DST: variants seen among roughly 807,000 people sequenced by gnomAD.
The protein encoded by DST is dystonin, also known as bullous pemphigoid antigen.
A neutral mutation model predicts 875.2 loss-of-function variants in DST; 253 were observed. The observed-to-expected ratio is 0.29, with a 90% CI of 0.26 to 0.32. DST has a LOEUF of 0.32. Ranked by LOEUF, DST falls within the 10% of genes least tolerant of loss-of-function variation. The probability of loss-of-function intolerance (pLI) is 1.00; values close to 1 mark genes in which losing one functional copy is unlikely to be tolerated. For synonymous variants in DST, 3,124 were observed against 3,197.1 expected (o/e 0.98, Z 0.77); for missense variants, 8,287 against 9,111.6 (o/e 0.91, Z 3.68).
intron 88 of DST, among the ~76,000 whole-genome samples, chr6:56,483,267 G>A (rs1022515062): frequency 2.0e-5 from 3 of 152,142 alleles, no homozygotes; most frequent in Admixed American, 1.3e-4. Context: ...TCACTAGTGT[G>A]AATGTCAAGT....
At chr6:56,586,939 G>T (rs2098165437) in intron 49 of DST, among the ~76,000 whole-genome samples, 1 of 152,090 alleles carries the variant, frequency 6.6e-6, no homozygotes, top group African/African-American at 2.4e-5. Flanking sequence ...ACCAAAAGTA[G>T]ATAAAACCAC....
intron 4 of DST, among the ~76,000 whole-genome samples, chr6:56,820,083 C>A (rs543657898): frequency 6.6e-6 from 1 of 152,316 alleles, no homozygotes; most frequent in South Asian, 2.1e-4. Context: ...TGGTTAAGAG[C>A]ATAGGCTCTA....
At chr6:56,828,058 A>T (rs1166012821) in intron 4 of DST, among the ~76,000 whole-genome samples, 1 of 152,190 alleles carries the variant, frequency 6.6e-6, no homozygotes, top group African/African-American at 2.4e-5. Context: ...TGCATGTAGC[A>T]TCACATTCTC....
At chr6:56,630,665 CT>C (rs2098770897) in intron 30 of DST, among the ~76,000 whole-genome samples, 1 of 152,198 alleles carries the variant, frequency 6.6e-6, no homozygotes, top group Admixed American at 6.5e-5. Context: ...TTGGCTACAA[CT>C]GCTGAGCTAC....
In DST at chr6:56,494,191, A is replaced by G; in HGVS notation, c.20224-11T>C. 1.3e-6 allele frequency: 2 copies of G among 1,593,714 alleles called. No homozygotes were observed. Among genetic ancestry groups the G allele is most frequent in the African/African-American group, 2.7e-5 (2 of 74,268 alleles). ...GGCAGCACAGACTTCCTAAATTGAG[A>G]TACCCTCAAGTTATATCACTTTAAG... On this transcript the variant is annotated splice_polypyrimidine_tract_variant and intron_variant, in intron 82 of 103. Transcript: ENST00000680361.
chr6:56,777,543 A>G lies in DST; in HGVS notation c.626-42254T>C, dbSNP rs2099681566. Among the ~76,000 whole-genome samples, 5 of 152,060 alleles carry G rather than the reference A, an allele frequency of 3.3e-5. No individual in the cohort carries two copies. In the South Asian group the frequency reaches 1.0e-3, roughly 31 times the overall value. ...CAGATAGCTTGCTCATAAAAGAAAG[A>G]GGAAAAAGTGAGTGGTCCAAATAAA... On this transcript the variant is annotated intron_variant, in intron 4 of 103. Coordinates refer to ENST00000680361, the MANE Select transcript of DST (RefSeq NM_001374736.1).
chr6:56,827,200 A>G (rs1390474696), intron 4 of DST, among the ~76,000 whole-genome samples: 3 of 152,160 alleles, frequency 2.0e-5, no homozygotes, highest in Non-Finnish European at 2.9e-5. Flanking sequence ...GCTAATGTAC[A>G]ACTACATTTT....
chr6:56,885,564 G>A (rs972498214), intron 3 of DST, among the ~76,000 whole-genome samples: 2 of 152,288 alleles, frequency 1.3e-5, no homozygotes, highest in South Asian at 2.1e-4. Flanking sequence ...ACAGTATTAA[G>A]AGGAGGGGCT....
chr6:56,938,084 C>CTT (rs1814000048), intron 2 of DST, among the ~76,000 whole-genome samples: 1 of 64,272 alleles, frequency 1.6e-5, no homozygotes, highest in African/African-American at 7.5e-5. Context: ...CTCTCTCTTT[C>CTT]TCTCTCTCTC....
chr6:56,527,873 A>G, intron 67 of DST, 139 bp from the exon 68 acceptor site: 2 of 896,846 alleles, frequency 2.2e-6, no homozygotes, highest in South Asian at 4.8e-5. Context: ...TACTCAAGAG[A>G]AGCCCTTTTC....
rs546003203 is a variant in DST at position 56,653,546 on chromosome 6, G to A, written c.1215-2302C>T. On this transcript the variant is annotated intron_variant, in intron 10 of 103. Transcript: ENST00000680361. ...CTAAAAATGCAAAAATTAGCCAGGC[G>A]TGATGGCAGGCGCCTGTAATCCCAG... Among the ~76,000 whole-genome samples the A allele has an allele frequency of 2.2e-4, 34 of 152,038 alleles. No individual in the cohort carries two copies. In the East Asian group the frequency reaches 5.8e-3, roughly 26 times the overall value.
At chr6:56,765,903 T>A (rs994653281) in intron 4 of DST, among the ~76,000 whole-genome samples, 2 of 152,210 alleles carry the variant, frequency 1.3e-5, no homozygotes, top group Non-Finnish European at 2.9e-5. Flanking sequence ...AACACCTAAG[T>A]AACATTTCCT....
In DST at chr6:56,609,199, G is replaced by C; in HGVS notation, c.5429C>G (p.Pro1810Arg). The C allele has an allele frequency of 6.2e-7, 1 of 1,613,760 alleles. No homozygotes were observed. Among genetic ancestry groups the C allele is most frequent in the Non-Finnish European group, 8.5e-7 (1 of 1,179,752 alleles). ...AAGGTCAAAGCACTTTCTTAATTCTGGTGAAATTAGACCAGAAATCATTAG... is the reference window on the plus strand; with the variant it reads ...AAGGTCAAAGCACTTTCTTAATTCTCGTGAAATTAGACCAGAAATCATTAG... ...TQLMISGLIS[P>R]ELRKCFDLKD... is the part of the protein sequence containing the mutation. Residue 1810 changes from proline to arginine, a missense_variant, in exon 40 of 104, where the codon CCA becomes CGA. Physicochemically the swap from Pro to Arg is moderately radical, Grantham distance 103. Around this residue, in one of 10 missense-constraint regions of DST, gnomAD observed 3,138 missense variants for 3,116.6 expected, o/e 1.01. Transcript: ENST00000680361.
At chr6:56,682,595 A>C (rs943871680) in intron 9 of DST, among the ~76,000 whole-genome samples, 4 of 152,242 alleles carry the variant, frequency 2.6e-5, no homozygotes, top group African/African-American at 9.6e-5. Context: ...AACTAAAAGA[A>C]GGTGCAGAGG....
intron 15 of DST, chr6:56,642,804 G>T (rs746615493): frequency 1.3e-5 from 21 of 1,613,414 alleles, no homozygotes; most frequent in Non-Finnish European, 1.8e-5. Context: ...TTCCTGAAAC[G>T]ATGTTCTTTC....
At chr6:56,609,470 C>T (rs954249627) in intron 39 of DST, 126 bp from the exon 40 acceptor site, 6 of 685,450 alleles carry the variant, frequency 8.8e-6, no homozygotes, top group South Asian at 1.9e-5. Context: ...CTTACCAAGG[C>T]GCAGCAATGC....
chr6:56,541,959 CTT>C (rs2097134347), intron 61 of DST, among the ~76,000 whole-genome samples: 1 of 152,186 alleles, frequency 6.6e-6, no homozygotes, highest in South Asian at 2.1e-4. Flanking sequence ...GTCCATTTCC[CTT>C]TTTAGTCTGA....
intron 5 of DST, among the ~76,000 whole-genome samples, chr6:56,707,335 C>T (rs2099345080): frequency 6.6e-6 from 1 of 152,200 alleles, no homozygotes; most frequent in African/African-American, 2.4e-5. Flanking sequence ...ATGTACTTCT[C>T]TGCGTATCTT....
chr6:56,880,313 T>C (rs1001740658), intron 3 of DST, among the ~76,000 whole-genome samples: 2 of 152,222 alleles, frequency 1.3e-5, no homozygotes, highest in Non-Finnish European at 2.9e-5. Context: ...GTAATTCTTC[T>C]CATTACTAAA....
Sources: gnomAD v4.1 joint callset for allele counts (sites outside exome capture counted in the v4.1 genomes callset) on GRCh38, gnomAD v4.1.1 for gene constraint, gnomAD v4.1.1 regional missense constraint, MANE v1.5 for transcripts, NCBI Gene and HGNC (gene_info 2026-07-23, HGNC 2026-07-21) for gene names.